Variants in PTPRQ observed in about 807,000 individuals in gnomAD.
PTPRQ encodes protein tyrosine phosphatase receptor type Q.
Under a neutral mutation model 246.0 loss-of-function variants are expected in PTPRQ, and 199 were observed. That is an observed-to-expected ratio of 0.81 (90% confidence interval 0.72 to 0.91). The LOEUF (loss-of-function observed/expected upper bound fraction) is 0.91, where lower values mean the gene tolerates loss of function less well. Ranked by LOEUF, PTPRQ falls within the 40% of genes least tolerant of loss-of-function variation. The probability of loss-of-function intolerance (pLI) is 0.00; values close to 1 mark genes in which losing one functional copy is unlikely to be tolerated. For synonymous variants in PTPRQ, 869 were observed against 853.2 expected, an observed-to-expected ratio of 1.02 and a Z score of -0.32; for missense variants, 2,624 against 2,528.4, an observed-to-expected ratio of 1.04 and a Z score of -0.81.
chr12:80,569,325 T>G (rs536965187), intron 25 of PTPRQ, among the ~76,000 whole-genome samples: 2 of 144,064 alleles, frequency 1.4e-5, no homozygotes, highest in East Asian at 4.2e-4. Context: ...TATTCCATGG[T>G]GTATATGTGC....
chr12:80,671,889 C>G (rs1327245431), intron 42 of PTPRQ, among the ~76,000 whole-genome samples: 1 of 151,996 alleles, frequency 6.6e-6, no homozygotes, highest in Non-Finnish European at 1.5e-5. Flanking sequence ...CCCCACACTC[C>G]TCACTGTACT....
intron 39 of PTPRQ, among the ~76,000 whole-genome samples, chr12:80,667,174 A>G (rs1480037778): frequency 2.0e-5 from 3 of 151,892 alleles, no homozygotes; most frequent in Non-Finnish European, 2.9e-5. Flanking sequence ...TGTTCCTAGA[A>G]CATTCCTGAC....
intron 17 of PTPRQ, among the ~76,000 whole-genome samples, chr12:80,525,012 C>T (rs530357837): frequency 1.3e-5 from 2 of 152,242 alleles, no homozygotes; most frequent in Admixed American, 6.5e-5. Flanking sequence ...ATTGCATCAA[C>T]TCATGTGGGA....
intron 8 of PTPRQ, among the ~76,000 whole-genome samples, chr12:80,482,400 C>T (rs1171987710): frequency 6.6e-6 from 1 of 151,898 alleles, no homozygotes; most frequent in Non-Finnish European, 1.5e-5. Context: ...ACTTAAATGT[C>T]AGACCTAAAA....
intron 25 of PTPRQ, among the ~76,000 whole-genome samples, chr12:80,568,690 ATG>A (rs1183193709): frequency 1.3e-5 from 2 of 152,190 alleles, no homozygotes; most frequent in Non-Finnish European, 2.9e-5. Context: ...GTTAGCCAAT[ATG>A]TGTCACACGA....
At position 80,611,825 on chromosome 12, in the gene PTPRQ, T is replaced by C. The variant is rs1055978980; in HGVS notation, c.4918+1200T>C. On this transcript the variant is annotated intron_variant, in intron 28 of 44. Coordinates refer to ENST00000644991, the MANE Select transcript of PTPRQ (RefSeq NM_001145026.2). ...AACATCTCATAAGAAAATATATTTA[T>C]GACACAGCATAAAAACGTGTAGTAA... is the stretch of plus-strand genomic sequence containing the variant. 2.0e-5 allele frequency among the ~76,000 whole-genome samples: 3 copies of C among 150,534 alleles called. No individual in the cohort carries two copies. In the East Asian group the frequency reaches 5.8e-4, roughly 29 times the overall value.
At position 80,579,309 on chromosome 12, in the gene PTPRQ, G is replaced by C. The variant is rs1020936578; in HGVS notation, c.4286-8820G>C. ...ACTGCCTTTCAATAACACCAAACCT[G>C]ATAATCCCCCACACTTTTTTCTTAT... is the stretch of plus-strand genomic sequence containing the variant. On this transcript the variant is annotated intron_variant, in intron 25 of 44. Coordinates refer to ENST00000644991, the MANE Select transcript of PTPRQ (RefSeq NM_001145026.2). Among the ~76,000 whole-genome samples the C allele has an allele frequency of 2.6e-5, 4 of 152,100 alleles. 1 individual carries two copies. The South Asian group carries it at 8.3e-4, about 31-fold the overall frequency.
chr12:80,552,649 A>G (rs868332645), intron 25 of PTPRQ, among the ~76,000 whole-genome samples: 1,951 of 9,274 alleles, frequency 0.21, 47 homozygotes, highest in Non-Finnish European at 0.3. Flanking sequence ...AAAAAATTAT[A>G]TATATATATA....
In PTPRQ at chr12:80,620,247, G is replaced by A. The variant is rs1446845901; in HGVS notation, c.5483G>A (p.Cys1828Tyr). 6 of 1,549,212 alleles carry A rather than the reference G, an allele frequency of 3.9e-6. No homozygotes were observed. The highest frequency in any genetic ancestry group is 5.2e-6 in the Non-Finnish European group (6 of 1,145,416). ...FTNEGFPNPP[C>Y]TEGKTKFSGN... ...AATGAAGGCTTTCCTAACCCTCCAT[G>A]TACAGAAGGAAAGACAAAGTTTAGT... is the stretch of plus-strand genomic sequence containing the variant. Residue 1828 changes from cysteine (C) to tyrosine (Y), a missense_variant, in exon 32 of 45, where the codon TGT (cysteine) becomes TAT (tyrosine). Cys to Tyr is a radical substitution (Grantham distance 194). Coordinates refer to ENST00000644991, the MANE Select transcript of PTPRQ (RefSeq NM_001145026.2).
intron 17 of PTPRQ, among the ~76,000 whole-genome samples, chr12:80,526,441 A>C (rs1040230095): frequency 3.3e-5 from 5 of 152,128 alleles, no homozygotes; most frequent in Admixed American, 2.0e-4. Flanking sequence ...AAGTGATAAG[A>C]ATTTCCCCAA....
At chr12:80,653,823 A>C (rs1900334256) in intron 38 of PTPRQ, among the ~76,000 whole-genome samples, 1 of 152,224 alleles carries the variant, frequency 6.6e-6, no homozygotes, top group Non-Finnish European at 1.5e-5. Context: ...ATGTAAGGAA[A>C]CATGATATAG....
intron 35 of PTPRQ, among the ~76,000 whole-genome samples, chr12:80,636,926 C>T (rs181567376): frequency 6.6e-6 from 1 of 151,960 alleles, no homozygotes; most frequent in Non-Finnish European, 1.5e-5. Context: ...CACAGCTTGC[C>T]CCTTTCTCTA....
At position 80,654,462 on chromosome 12, in the gene PTPRQ, C is replaced by T. The variant is rs931981056; in HGVS notation, c.6115+1628C>T. On this transcript the variant is annotated intron_variant, in intron 38 of 44. Transcript: ENST00000644991. The stretch of plus-strand genomic sequence containing the variant: ...ACCTAAATTTCATCCAGACTGTTTG[C>T]TTCATGCTTATTTGGTGATATTCTG... Among the ~76,000 whole-genome samples, 6 of 152,098 alleles carry T rather than the reference C, an allele frequency of 3.9e-5. 1 individual carries two copies. The highest frequency in any genetic ancestry group is 1.4e-4 in the African/African-American group (6 of 41,420).
At chr12:80,571,634 T>G (rs1310712680) in intron 25 of PTPRQ, among the ~76,000 whole-genome samples, 1 of 152,212 alleles carries the variant, frequency 6.6e-6, no homozygotes, top group Non-Finnish European at 1.5e-5. Flanking sequence ...TGGGTTTTAT[T>G]CTAGAAATGT....
In PTPRQ at chr12:80,493,449, C is replaced by T. The variant is rs541112749; in HGVS notation, c.1534C>T (p.Pro512Ser). 305 of 1,547,616 alleles carry T rather than the reference C, an allele frequency of 2.0e-4. 2 individuals are homozygous for T. The South Asian group carries it at 3.3e-3, about 17-fold the overall frequency. ...ARNRAEDQTS[P>S]VVTTRNQYIT... Reference sequence around the variant, plus strand: ...GAATAGAGCTGAAGACCAGACTTCACCAGTTGGTAGGTAGAATTTTGATTT... The same window carrying T: ...GAATAGAGCTGAAGACCAGACTTCATCAGTTGGTAGGTAGAATTTTGATTT... Residue 512 changes from proline to serine, a missense_variant, in exon 10 of 45, where the codon CCA becomes TCA. Transcript: ENST00000644991.
intron 17 of PTPRQ, among the ~76,000 whole-genome samples, chr12:80,519,760 C>T (rs115570763): frequency 2.7e-4 from 41 of 152,204 alleles, no homozygotes; most frequent in African/African-American, 9.6e-4. Context: ...TTTTTCAGTA[C>T]ACAAAGTCAT....
chr12:80,613,503 A>G, intron 28 of PTPRQ, 89 bp from the exon 29 acceptor site: 1 of 1,328,564 alleles, frequency 7.5e-7, no homozygotes, highest in South Asian at 1.5e-5. Context: ...ATACTCTTTA[A>G]AAACAGAAGT....
Position 80,549,890 on chromosome 12 carries a change from A to G in PTPRQ, c.4285+156A>G, listed in dbSNP as rs1358476. Among the ~76,000 whole-genome samples the G allele has an allele frequency of 0.58, 87,556 of 151,990 alleles. 30,199 individuals are homozygous for G. Among genetic ancestry groups the G allele is most frequent in the Non-Finnish European group, 0.76 (51,369 of 67,882 alleles). ...TTTTTATCCCACGTGTTGCTTGAGT[A>G]CCAGCTGTGTACTACATTGACCCTT... is the stretch of plus-strand genomic sequence containing the variant. On this transcript the variant is annotated intron_variant, in intron 25 of 44. Coordinates refer to ENST00000644991, the MANE Select transcript of PTPRQ (RefSeq NM_001145026.2).
intron 19 of PTPRQ, among the ~76,000 whole-genome samples, chr12:80,535,502 GTTA>G (rs1393512948): frequency 3.3e-5 from 5 of 151,980 alleles, no homozygotes; most frequent in Non-Finnish European, 5.9e-5. Context: ...AGCAGGAAGG[GTTA>G]TTATAATAAT....
Sources: allele counts gnomAD v4.1 joint callset (sites outside exome capture counted in the v4.1 genomes callset), GRCh38; gene constraint gnomAD v4.1.1; transcripts MANE v1.5; gene names NCBI Gene and HGNC (gene_info 2026-07-23, HGNC 2026-07-21).